Variants in XKR9 observed in about 807,000 individuals in gnomAD.
XKR9 encodes the protein XK-related protein 9.
A neutral mutation model predicts 32.0 loss-of-function variants in XKR9; 32 were observed. That is an observed-to-expected ratio of 1.00 (90% CI 0.76 to 1.34). The LOEUF (loss-of-function observed/expected upper bound fraction) is 1.34, where lower values mean the gene tolerates loss of function less well. Ranked by LOEUF, XKR9 falls within the 40% of genes most tolerant of loss-of-function variation. The probability of loss-of-function intolerance (pLI) is 0.00; values close to 1 mark genes in which losing one functional copy is unlikely to be tolerated. For synonymous variants in XKR9, 168 were observed against 143.4 expected (o/e 1.17, Z -1.22); for missense variants, 546 against 429.7 (o/e 1.27, Z -2.39).
chr8:70,771,025 C>T (rs1454822168), intron 2 of XKR9, among the ~76,000 whole-genome samples: 1 of 152,180 alleles, frequency 6.6e-6, no homozygotes, highest in African/African-American at 2.4e-5. Flanking sequence ...GTGCTTGAAA[C>T]CCAGGGCCCT....
At chr8:70,752,285 T>A (rs1161963121) in intron 2 of XKR9, among the ~76,000 whole-genome samples, 4 of 152,206 alleles carry the variant, frequency 2.6e-5, no homozygotes, top group Non-Finnish European at 1.5e-5. Context: ...CTGTTTTCTG[T>A]TGTTATACCT....
At chr8:70,976,011 A>G in the XKR9 span, among the ~76,000 whole-genome samples, 1 of 152,152 alleles carries the variant, frequency 6.6e-6, no homozygotes. Flanking sequence ...GCGATTGTGA[A>G]TGGGAGTTCA....
At chr8:71,016,424 C>T in the XKR9 span, among the ~76,000 whole-genome samples, 1 of 152,270 alleles carries the variant, frequency 6.6e-6, no homozygotes, top group Admixed American at 6.5e-5. Context: ...TGTAATCTCA[C>T]ACAGGTGCTG....
the XKR9 span, among the ~76,000 whole-genome samples, chr8:70,856,074 G>T: frequency 1.3e-5 from 2 of 152,122 alleles, no homozygotes; most frequent in Non-Finnish European, 1.5e-5. Flanking sequence ...ATCAACTAAT[G>T]AGCAAAATAA....
At chr8:70,864,814 A>G in the XKR9 span, among the ~76,000 whole-genome samples, 14 of 152,140 alleles carry the variant, frequency 9.2e-5, no homozygotes, top group Admixed American at 6.5e-5. Flanking sequence ...GGTTCTCTAG[A>G]TACCGCATTA....
the XKR9 span, among the ~76,000 whole-genome samples, chr8:70,855,396 A>G: frequency 6.6e-6 from 1 of 152,174 alleles, no homozygotes; most frequent in Non-Finnish European, 1.5e-5. Flanking sequence ...AGACGAAATG[A>G]ATGAAATGAA....
At chr8:70,774,703 A>T (rs559633926) in intron 2 of XKR9, among the ~76,000 whole-genome samples, 12 of 152,142 alleles carry the variant, frequency 7.9e-5, no homozygotes, top group Non-Finnish European at 1.6e-4. Flanking sequence ...TGTAAAAAAT[A>T]AATTGACCCT....
At chr8:70,687,096 C>T (rs1323497349) in intron 3 of XKR9, among the ~76,000 whole-genome samples, 1 of 152,080 alleles carries the variant, frequency 6.6e-6, no homozygotes, top group African/African-American at 2.4e-5. Context: ...CATCCCACTT[C>T]TGCCTTACTC....
At chr8:70,729,732 A>G (rs1390620350) in intron 4 of XKR9, among the ~76,000 whole-genome samples, 2 of 152,222 alleles carry the variant, frequency 1.3e-5, no homozygotes, top group African/African-American at 4.8e-5. Flanking sequence ...GACATCATAT[A>G]CTAAGTCATA....
the XKR9 span, among the ~76,000 whole-genome samples, chr8:70,870,620 T>C: frequency 6.6e-6 from 1 of 152,304 alleles, no homozygotes; most frequent in South Asian, 2.1e-4. Flanking sequence ...ACCAATCGCA[T>C]CTTGATTCTC....
chr8:71,011,851 G>T, the XKR9 span, among the ~76,000 whole-genome samples: 1 of 152,160 alleles, frequency 6.6e-6, no homozygotes, highest in South Asian at 2.1e-4. Flanking sequence ...TCAGATAAAA[G>T]TCTTTTACAC....
intron 2 of XKR9, among the ~76,000 whole-genome samples, chr8:70,745,735 C>T (rs1807049709): frequency 6.6e-6 from 1 of 152,158 alleles, no homozygotes; most frequent in African/African-American, 2.4e-5. Flanking sequence ...GGACGTGCTG[C>T]CTAATTTGTT....
chr8:70,902,601 A>G, the XKR9 span, among the ~76,000 whole-genome samples: 2 of 151,490 alleles, frequency 1.3e-5, no homozygotes, highest in African/African-American at 4.8e-5. Flanking sequence ...ATTTGCAAAC[A>G]GGGAAAATTT....
chr8:71,010,841 G>A, the XKR9 span, among the ~76,000 whole-genome samples: 1 of 152,108 alleles, frequency 6.6e-6, no homozygotes, highest in Non-Finnish European at 1.5e-5. Context: ...AAAACAATCA[G>A]CAACAGATGT....
intron 4 of XKR9, among the ~76,000 whole-genome samples, chr8:70,724,357 C>T (rs1806387258): frequency 6.6e-6 from 1 of 151,964 alleles, no homozygotes. Context: ...CCACTTGGCT[C>T]CCTGGCTTCA....
downstream of XKR9, among the ~76,000 whole-genome samples, chr8:70,791,266 G>T (rs536986693): frequency 6.6e-6 from 1 of 151,176 alleles, no homozygotes; most frequent in African/African-American, 2.4e-5. Flanking sequence ...CTTGAGCCCA[G>T]GAGTTCAAGA....
chr8:70,926,034 T>C, the XKR9 span, among the ~76,000 whole-genome samples: 3 of 152,200 alleles, frequency 2.0e-5, no homozygotes, highest in Non-Finnish European at 4.4e-5. Flanking sequence ...ATACTTGTTA[T>C]ACTGGAAAAA....
chr8:70,778,542 A>G (rs1301613754), intron 2 of XKR9, among the ~76,000 whole-genome samples: 1 of 152,210 alleles, frequency 6.6e-6, no homozygotes, highest in African/African-American at 2.4e-5. Context: ...TTTGGGCAGT[A>G]TGACCATTTT....
downstream of XKR9, among the ~76,000 whole-genome samples, chr8:70,737,203 C>A (rs1806879588): frequency 6.8e-6 from 1 of 147,584 alleles, no homozygotes; most frequent in African/African-American, 2.5e-5. Context: ...AAGTTGGATT[C>A]CTAAGTATTT....
Sources: gnomAD v4.1 joint callset for allele counts (sites outside exome capture counted in the v4.1 genomes callset) on GRCh38, gnomAD v4.1.1 for gene constraint, MANE v1.5 for transcripts, NCBI Gene and HGNC (gene_info 2026-07-23, HGNC 2026-07-21) for gene names.